The following GGACT variants were observed in gnomAD, a reference collection of about 807,000 sequenced individuals.
GGACT encodes the protein gamma-glutamylamine cyclotransferase.
For synonymous variants in GGACT, 118 were observed against 115.3 expected, an observed-to-expected ratio of 1.02 and a Z score of -0.15; for missense variants, 241 against 233.2, an observed-to-expected ratio of 1.03 and a Z score of -0.22.
intron 2 of GGACT, among the ~76,000 whole-genome samples, chr13:100,572,714 G>T (rs1023834778): frequency 1.5e-4 from 23 of 152,132 alleles, no homozygotes; most frequent in African/African-American, 5.6e-4. Flanking sequence ...CTACAGGCGT[G>T]CACCACCACA....
At chr13:100,571,587 A>T (rs1875084736) in intron 2 of GGACT, among the ~76,000 whole-genome samples, 1 of 152,202 alleles carries the variant, frequency 6.6e-6, no homozygotes, top group South Asian at 2.1e-4. Flanking sequence ...TGCTAGGATT[A>T]TAGGCATGAG....
chr13:100,531,856 GGAA>G lies in GGACT; in HGVS notation c.*271_*273del, dbSNP rs2088392466. On this transcript the variant is annotated 3_prime_UTR_variant, in exon 3 of 3. Coordinates refer to ENST00000683975, the MANE Select transcript of GGACT (RefSeq NM_001195087.2). ...GCCAACAGCAGAAACAACACGAGGA[GGAA>G]GAAGAATTAGGCATAACACGAGTTC... 3.0e-5 allele frequency: 11 copies of G among 367,862 alleles called. No individual in the cohort carries two copies. In the East Asian group the frequency reaches 4.0e-4, roughly 13 times the overall value. The allele number at this position is 367,862 out of a possible 1,614,324, so 22.8% of individuals were successfully genotyped here. A position where few individuals can be genotyped will look rare whatever the true frequency, so the allele number is the denominator to read the frequency against.
At chr13:100,577,062 C>T (rs1043481580) in intron 2 of GGACT, among the ~76,000 whole-genome samples, 9 of 152,092 alleles carry the variant, frequency 5.9e-5, no homozygotes, top group Non-Finnish European at 1.3e-4. Context: ...GATACATAAA[C>T]CAAATACAAT....
intron 2 of GGACT, among the ~76,000 whole-genome samples, chr13:100,580,498 G>A (rs371228849): frequency 7.9e-4 from 121 of 152,332 alleles, no homozygotes; most frequent in South Asian, 3.5e-3. Flanking sequence ...AGGGAGGGCA[G>A]CCCTGACAGC....
At chr13:100,533,588 C>G (rs2088448656) in intron 2 of GGACT, 2 of 152,206 alleles carry the variant, frequency 1.3e-5, no homozygotes, top group African/African-American at 4.8e-5. Context: ...AGTGAGAACC[C>G]AGGTTTCAGC....
chr13:100,585,667 C>G (rs1311762139), intron 1 of GGACT, among the ~76,000 whole-genome samples: 1 of 151,484 alleles, frequency 6.6e-6, no homozygotes, highest in Non-Finnish European at 1.5e-5. Context: ...ACTTGGGAGG[C>G]TGAGGCATGA....
At chr13:100,571,982 T>C (rs1173651555) in intron 2 of GGACT, among the ~76,000 whole-genome samples, 1 of 152,244 alleles carries the variant, frequency 6.6e-6, no homozygotes, top group Admixed American at 6.5e-5. Flanking sequence ...ACTAGTTATC[T>C]GGTATGGTTG....
At chr13:100,579,414 C>A (rs1875347612) in intron 2 of GGACT, among the ~76,000 whole-genome samples, 1 of 152,042 alleles carries the variant, frequency 6.6e-6, no homozygotes, top group South Asian at 2.1e-4. Flanking sequence ...CAAGACAAAC[C>A]ACAGGATCCA....
intron 2 of GGACT, among the ~76,000 whole-genome samples, chr13:100,540,895 G>A (rs571698467): frequency 2.9e-4 from 44 of 152,354 alleles, no homozygotes; most frequent in Admixed American, 1.6e-3. Flanking sequence ...CCCCTGGGCC[G>A]GGCTGGGAGG....
At chr13:100,555,878 G>GAA (rs2088704292) in intron 2 of GGACT, among the ~76,000 whole-genome samples, 1 of 152,094 alleles carries the variant, frequency 6.6e-6, no homozygotes, top group African/African-American at 2.4e-5. Flanking sequence ...GATTAAAATG[G>GAA]AAAAACCACA....
rs150734052 is a variant in GGACT at position 100,547,506 on chromosome 13, A to AG, written c.-10-14906dup. Among the ~76,000 whole-genome samples, 635 of 152,350 alleles carry AG rather than the reference A, an allele frequency of 4.2e-3. 3 individuals carry two copies. The highest frequency in any genetic ancestry group is 0.015 in the African/African-American group (609 of 41,584). On this transcript the variant is annotated intron_variant, in intron 2 of 2. Coordinates refer to ENST00000683975, the MANE Select transcript of GGACT (RefSeq NM_001195087.2). ...AAACAAGACTGAATGAGCTCACGGG[A>AG]GGCAGGCAGGCCCCGCGCAGGCCTG...
At chr13:100,543,232 G>T (rs903585082) in intron 2 of GGACT, among the ~76,000 whole-genome samples, 69 of 74,900 alleles carry the variant, frequency 9.2e-4, no homozygotes, top group African/African-American at 4.2e-3. Context: ...TTTTGAGACG[G>T]AGTGTCGCTC....
chr13:100,573,894 A>ACC (rs1555334849), intron 2 of GGACT, among the ~76,000 whole-genome samples: 8 of 150,620 alleles, frequency 5.3e-5, no homozygotes, highest in Admixed American at 2.0e-4. Flanking sequence ...CAAAAAAAAA[A>ACC]AAAAAACATG....
chr13:100,549,146 G>A (rs915192346), intron 2 of GGACT, among the ~76,000 whole-genome samples: 3 of 152,070 alleles, frequency 2.0e-5, no homozygotes, highest in African/African-American at 7.2e-5. Flanking sequence ...TCAGGAGTTC[G>A]AGACCAGCCA....
intron 2 of GGACT, among the ~76,000 whole-genome samples, chr13:100,552,197 C>T (rs1008320188): frequency 6.6e-6 from 1 of 152,140 alleles, no homozygotes; most frequent in Non-Finnish European, 1.5e-5. Flanking sequence ...GTCAGGGGCT[C>T]TCCAGGAACT....
intron 2 of GGACT, among the ~76,000 whole-genome samples, chr13:100,582,404 C>CAA (rs1875447345): frequency 2.0e-5 from 3 of 152,294 alleles, no homozygotes; most frequent in South Asian, 4.1e-4. Flanking sequence ...TAATGGCCAC[C>CAA]CAAAGATGTT....
Position 100,532,403 on chromosome 13 carries a change from C to CA in GGACT, c.188dup (p.Glu64GlyfsTer17). 1 of 1,550,256 alleles carries CA rather than the reference C, an allele frequency of 6.5e-7. No individual in the cohort carries two copies. Reference sequence around the variant, plus strand: ...CGTCTACCGCGTAGACCTCGCCCTCCACGAGGCGCCCCGAGCCGGGCAGGT... The same window carrying CA: ...CGTCTACCGCGTAGACCTCGCCCTCCAACGAGGCGCCCCGAGCCGGGCAGGT... On this transcript the variant is annotated frameshift_variant, in exon 3 of 3. Transcript: ENST00000683975. LOFTEE classifies it low-confidence loss of function (END_TRUNC).
intron 2 of GGACT, among the ~76,000 whole-genome samples, chr13:100,553,638 G>T (rs2088685767): frequency 6.6e-6 from 1 of 152,146 alleles, no homozygotes; most frequent in African/African-American, 2.4e-5. Context: ...GAGGTCAGGA[G>T]TTCGGGACCA....
At position 100,531,955 on chromosome 13, in the gene GGACT, C is replaced by CT; in HGVS notation, c.*174dup. ...AGGTAGAAAGATGGGAGGGAAGCAC[C>CT]TTGCTATTCGTATCTCAACATTATT... On this transcript the variant is annotated 3_prime_UTR_variant, in exon 3 of 3. Transcript: ENST00000683975. 2.2e-6 allele frequency: 1 copy of CT among 445,666 alleles called. No homozygotes were observed. The highest frequency in any genetic ancestry group is 3.9e-6 in the Non-Finnish European group (1 of 259,460). The allele number at this position is 445,666 out of a possible 1,614,324, so 27.6% of individuals were successfully genotyped here.
Sources: allele counts gnomAD v4.1 joint callset (sites outside exome capture counted in the v4.1 genomes callset), GRCh38; gene constraint gnomAD v4.1.1; transcripts MANE v1.5; gene names NCBI Gene and HGNC (gene_info 2026-07-23, HGNC 2026-07-21).